Variants in BBS9 observed in about 807,000 individuals in gnomAD.
BBS9 encodes protein PTHB1.
Under a neutral mutation model 117.7 loss-of-function variants are expected in BBS9, and 89 were observed. That is an observed-to-expected ratio of 0.76 (90% CI 0.64 to 0.90). BBS9 has a LOEUF of 0.90. Among genes scored for constraint, BBS9 ranks in the 40% least tolerant of loss-of-function variants. BBS9 has a pLI of 0.00. For missense variants in BBS9, 982 were observed against 1,042.2 expected, an observed-to-expected ratio of 0.94 and a Z score of 0.80; for synonymous variants, 379 against 370.9, an observed-to-expected ratio of 1.02 and a Z score of -0.25.
At chr7:33,183,583 T>G (rs1798387242) in intron 5 of BBS9, among the ~76,000 whole-genome samples, 1 of 152,196 alleles carries the variant, frequency 6.6e-6, no homozygotes, top group Non-Finnish European at 1.5e-5. Flanking sequence ...AAGCCTTAGT[T>G]ACTAAGCTAC....
intron 19 of BBS9, among the ~76,000 whole-genome samples, chr7:33,393,300 A>C (rs1406130305): frequency 6.6e-6 from 1 of 152,242 alleles, no homozygotes; most frequent in Middle Eastern, 3.2e-3. Flanking sequence ...AGTTCTTTGA[A>C]GGATGGAATC....
intron 20 of BBS9, among the ~76,000 whole-genome samples, chr7:33,516,485 TC>T (rs1585089893): frequency 2.4e-5 from 1 of 42,224 alleles, no homozygotes; most frequent in East Asian, 1.4e-3. Flanking sequence ...CAATTTCATC[TC>T]CAAAAAAAAA....
chr7:33,352,367 A>G (rs1818827593), intron 14 of BBS9, among the ~76,000 whole-genome samples: 1 of 152,218 alleles, frequency 6.6e-6, no homozygotes, highest in East Asian at 1.9e-4. Flanking sequence ...AGAAATTAAC[A>G]TTGAGAGAGT....
chr7:33,583,182 A>T (rs1249645044), intron 21 of BBS9, among the ~76,000 whole-genome samples: 1 of 152,116 alleles, frequency 6.6e-6, no homozygotes, highest in Non-Finnish European at 1.5e-5. Flanking sequence ...ACCATGCCTG[A>T]CAAGTGGGGG....
chr7:33,353,370 A>G (rs1319024930), intron 15 of BBS9, among the ~76,000 whole-genome samples: 1 of 152,162 alleles, frequency 6.6e-6, no homozygotes, highest in Non-Finnish European at 1.5e-5. Context: ...GTTATCAAAC[A>G]TCTGACTCCC....
intron 20 of BBS9, among the ~76,000 whole-genome samples, chr7:33,526,518 C>T (rs1397119699): frequency 6.6e-6 from 1 of 150,982 alleles, no homozygotes; most frequent in East Asian, 1.9e-4. Flanking sequence ...TTGCTGATAC[C>T]CTTTCTTCCA....
chr7:33,624,115 G>A (rs2129224665), intron 21 of BBS9, among the ~76,000 whole-genome samples: 1 of 152,248 alleles, frequency 6.6e-6, no homozygotes, highest in African/African-American at 2.4e-5. Flanking sequence ...GCCCTTGAGA[G>A]AGATGTGCCC....
At chr7:33,240,179 T>G (rs779710395) in intron 5 of BBS9, among the ~76,000 whole-genome samples, 5 of 152,150 alleles carry the variant, frequency 3.3e-5, no homozygotes, top group African/African-American at 4.8e-5. Context: ...GTAGTTTATC[T>G]ATAATGAATG....
intron 19 of BBS9, among the ~76,000 whole-genome samples, chr7:33,504,366 G>A (rs1264726911): frequency 1.1e-4 from 17 of 152,156 alleles, no homozygotes; most frequent in Non-Finnish European, 1.5e-5. Context: ...TCTGAGGGCT[G>A]TTTCTGTACA....
intron 19 of BBS9, among the ~76,000 whole-genome samples, chr7:33,489,716 GC>G (rs1328091418): frequency 6.6e-6 from 1 of 152,034 alleles, no homozygotes; most frequent in Non-Finnish European, 1.5e-5. Context: ...TAAAATGATG[GC>G]CACAGGATAA....
chr7:33,177,345 C>T, intron 4 of BBS9, 133 bp from the exon 5 acceptor site: 1 of 678,178 alleles, frequency 1.5e-6, no homozygotes, highest in Non-Finnish European at 2.6e-6. Context: ...TAATTTTTCA[C>T]AATACATAAT....
At chr7:33,621,259 A>C (rs546382991) in intron 21 of BBS9, among the ~76,000 whole-genome samples, 2 of 152,302 alleles carry the variant, frequency 1.3e-5, no homozygotes, top group East Asian at 3.9e-4. Flanking sequence ...GAGTAAACAG[A>C]CAACCTATGG....
intron 16 of BBS9, among the ~76,000 whole-genome samples, chr7:33,360,583 C>T (rs1449653905): frequency 6.7e-6 from 1 of 148,732 alleles, no homozygotes; most frequent in East Asian, 2.0e-4. Context: ...TGCGGTGGCA[C>T]AATCATGGCT....
At chr7:33,489,331 C>CTTTTTTTT (rs35199510) in intron 19 of BBS9, among the ~76,000 whole-genome samples, 2 of 86,256 alleles carry the variant, frequency 2.3e-5, no homozygotes, top group Non-Finnish European at 4.5e-5. Flanking sequence ...CCACTTATGG[C>CTTTTTTTT]TTTTTTTTTT....
chr7:33,415,173 G>A (rs1831783322), intron 19 of BBS9, among the ~76,000 whole-genome samples: 2 of 152,116 alleles, frequency 1.3e-5, no homozygotes, highest in Non-Finnish European at 2.9e-5. Context: ...ATTAAAGAAG[G>A]GAGATGGACT....
chr7:33,532,524 C>G (rs1253802963), intron 20 of BBS9, among the ~76,000 whole-genome samples: 1 of 152,048 alleles, frequency 6.6e-6, no homozygotes, highest in Non-Finnish European at 1.5e-5. Flanking sequence ...AGAATGAGTG[C>G]CAGCAGGGGA....
At chr7:33,388,677 T>G (rs1466919973) in intron 19 of BBS9, among the ~76,000 whole-genome samples, 1 of 152,182 alleles carries the variant, frequency 6.6e-6, no homozygotes, top group Non-Finnish European at 1.5e-5. Context: ...AGTTTATCAT[T>G]TGCATGGCTA....
intron 4 of BBS9, among the ~76,000 whole-genome samples, chr7:33,160,635 T>A (rs1794700636): frequency 6.6e-6 from 1 of 152,188 alleles, no homozygotes; most frequent in South Asian, 2.1e-4. Flanking sequence ...GGAGAAACTT[T>A]CCTGTTTAGC....
rs1026540174 is a variant in BBS9 at position 33,202,316 on chromosome 7, T to A, written c.442+24725T>A. On this transcript the variant is annotated intron_variant, in intron 5 of 22. Coordinates refer to ENST00000242067, the MANE Select transcript of BBS9 (RefSeq NM_198428.3). ...TAAAAACTGTGCTTGCCCATGAACT[T>A]CTTCTATATGAGCATTTTAACCAGT... Among the ~76,000 whole-genome samples the A allele has an allele frequency of 5.9e-5, 9 of 152,308 alleles. No individual in the cohort carries two copies. The East Asian group carries it at 9.6e-4, about 16-fold the overall frequency.
Sources: allele counts gnomAD v4.1 joint callset (sites outside exome capture counted in the v4.1 genomes callset), GRCh38; gene constraint gnomAD v4.1.1; transcripts MANE v1.5; gene names NCBI Gene and HGNC (gene_info 2026-07-23, HGNC 2026-07-21).